The following PRKG2 variants were observed in gnomAD, a reference collection of about 807,000 sequenced individuals.
PRKG2 encodes cGMP-dependent protein kinase 2.
PRKG2 carries 33 observed loss-of-function variants against 97.2 expected under a neutral mutation model. That is an observed-to-expected ratio of 0.34 (90% confidence interval 0.26 to 0.45). The LOEUF (loss-of-function observed/expected upper bound fraction) is 0.45, where lower values mean the gene tolerates loss of function less well. Ranked by LOEUF, PRKG2 falls within the 20% of genes least tolerant of loss-of-function variation. PRKG2 has a pLI of 1.00. For missense variants in PRKG2, 638 were observed against 900.0 expected, an observed-to-expected ratio of 0.71 and a Z score of 3.73; for synonymous variants, 330 against 321.8, an observed-to-expected ratio of 1.03 and a Z score of -0.27.
intron 14 of PRKG2, among the ~76,000 whole-genome samples, chr4:81,112,008 C>G (rs1366914840): frequency 6.6e-6 from 1 of 152,026 alleles, no homozygotes; most frequent in Admixed American, 6.6e-5. Flanking sequence ...AAAATAAGCC[C>G]TCATCTAAAA....
chr4:81,209,168 T>G (rs1358970051), intron 1 of PRKG2, among the ~76,000 whole-genome samples: 1 of 152,212 alleles, frequency 6.6e-6, no homozygotes, highest in East Asian at 1.9e-4. Context: ...CAAGGGTAAT[T>G]AGAAGAGACA....
intron 14 of PRKG2, among the ~76,000 whole-genome samples, chr4:81,119,921 A>G (rs529051999): frequency 2.0e-5 from 3 of 152,206 alleles, no homozygotes; most frequent in South Asian, 4.2e-4. Context: ...TGATCCGCCC[A>G]CCTCAGCCTC....
Position 81,089,506 on chromosome 4 carries a change from C to T in PRKG2, c.*202G>A, listed in dbSNP as rs1482806979. Reference sequence around the variant, plus strand: ...GAGAAAAGCAAATAATGTAATACATCAATAATTCACAGCATCTAAATAAGA... The same window carrying T: ...GAGAAAAGCAAATAATGTAATACATTAATAATTCACAGCATCTAAATAAGA... On this transcript the variant is annotated 3_prime_UTR_variant, in exon 19 of 19. Transcript: ENST00000264399. 2 of 443,344 alleles carry T rather than the reference C, an allele frequency of 4.5e-6. No homozygotes were observed. The highest frequency in any genetic ancestry group is 7.9e-6 in the Non-Finnish European group (2 of 252,920). The allele number at this position is 443,344 out of a possible 1,614,324, so 27.5% of individuals were successfully genotyped here. A position where few individuals can be genotyped will look rare whatever the true frequency, so the allele number is the denominator to read the frequency against.
At position 81,089,363 on chromosome 4, in the gene PRKG2, G is replaced by A. The variant is rs1741324881; in HGVS notation, c.*345C>T. ...AGGGCAAGACCCTTTTTAAACGTTA[G>A]TAGTACTCAAACGAGAAGGATATGA... On this transcript the variant is annotated 3_prime_UTR_variant, in exon 19 of 19. Transcript: ENST00000264399. 1 of 175,284 alleles carries A rather than the reference G, an allele frequency of 5.7e-6. No homozygotes were observed. Among genetic ancestry groups the A allele is most frequent in the South Asian group, 1.9e-4 (1 of 5,354 alleles). The allele number at this position is 175,284 out of a possible 1,614,324, so 10.9% of individuals were successfully genotyped here.
At chr4:81,195,276 C>G (rs934975599) in intron 2 of PRKG2, among the ~76,000 whole-genome samples, 9 of 152,118 alleles carry the variant, frequency 5.9e-5, no homozygotes, top group Admixed American at 5.9e-4. Context: ...GTGAGAAAAT[C>G]CCTACTCTCC....
At chr4:81,209,281 T>C (rs568263209) in intron 1 of PRKG2, among the ~76,000 whole-genome samples, 3 of 152,324 alleles carry the variant, frequency 2.0e-5, no homozygotes, top group Admixed American at 2.0e-4. Flanking sequence ...CCTCCAGCCC[T>C]ATAGCAGTTT....
intron 8 of PRKG2, among the ~76,000 whole-genome samples, chr4:81,151,691 C>A (rs1748417930): frequency 2.0e-5 from 3 of 151,906 alleles, no homozygotes; most frequent in African/African-American, 7.2e-5. Context: ...CATTTTTAAC[C>A]TTTTCTCAGA....
At chr4:81,130,835 C>G (rs1379181305) in intron 14 of PRKG2, among the ~76,000 whole-genome samples, 2 of 152,168 alleles carry the variant, frequency 1.3e-5, no homozygotes, top group Non-Finnish European at 2.9e-5. Flanking sequence ...CCCCTCCCCC[C>G]ACCAAGCTCG....
At chr4:81,183,978 A>C (rs1272123244) in intron 2 of PRKG2, among the ~76,000 whole-genome samples, 1 of 152,170 alleles carries the variant, frequency 6.6e-6, no homozygotes, top group Non-Finnish European at 1.5e-5. Context: ...CTCTGAGAGA[A>C]AGGCAGCAGC....
intron 4 of PRKG2, among the ~76,000 whole-genome samples, chr4:81,170,976 G>GAACA (rs1326802522): frequency 6.6e-6 from 1 of 152,002 alleles, no homozygotes; most frequent in African/African-American, 2.4e-5. Flanking sequence ...GTTTTTGGCA[G>GAACA]AACAAACCTT....
At chr4:81,178,565 C>A (rs1437537609) in intron 2 of PRKG2, among the ~76,000 whole-genome samples, 1 of 151,714 alleles carries the variant, frequency 6.6e-6, no homozygotes, top group Non-Finnish European at 1.5e-5. Flanking sequence ...AACACAATAT[C>A]TGAAGCTTGA....
At chr4:81,122,446 G>GA (rs1045565853) in intron 14 of PRKG2, among the ~76,000 whole-genome samples, 44 of 152,128 alleles carry the variant, frequency 2.9e-4, no homozygotes, top group African/African-American at 9.9e-4. Context: ...ATTCATTTTG[G>GA]AAAAAATCAG....
At chr4:81,202,406 C>T (rs995123211) in intron 2 of PRKG2, among the ~76,000 whole-genome samples, 1 of 152,142 alleles carries the variant, frequency 6.6e-6, no homozygotes, top group Non-Finnish European at 1.5e-5. Flanking sequence ...AACTGAGGTA[C>T]AAACCAGTCA....
At chr4:81,201,292 T>G (rs184486584) in intron 2 of PRKG2, among the ~76,000 whole-genome samples, 272 of 152,362 alleles carry the variant, frequency 1.8e-3, no homozygotes, top group African/African-American at 6.1e-3. Flanking sequence ...GCATTTCAAG[T>G]GCTCAATAGC....
intron 6 of PRKG2, among the ~76,000 whole-genome samples, chr4:81,163,017 A>C (rs1475196133): frequency 6.6e-6 from 1 of 152,160 alleles, no homozygotes; most frequent in Non-Finnish European, 1.5e-5. Context: ...ATAACTTCAA[A>C]GGGGGAAAAG....
At chr4:81,193,566 G>A (rs1752738464) in intron 2 of PRKG2, among the ~76,000 whole-genome samples, 1 of 152,082 alleles carries the variant, frequency 6.6e-6, no homozygotes, top group Non-Finnish European at 1.5e-5. Context: ...CTGGCCAGGC[G>A]CGATGGCTCA....
In PRKG2 at chr4:81,094,082, A is replaced by G. The variant is rs180985941; in HGVS notation, c.2127-1630T>C. The stretch of plus-strand genomic sequence containing the variant: ...CTGCAAGGTGCAGTAAGTAAAGCAA[A>G]GTGCGATCAAATAAGGTATGCCTGT... On this transcript the variant is annotated intron_variant, in intron 17 of 18. Transcript: ENST00000264399. 2.0e-5 allele frequency among the ~76,000 whole-genome samples: 3 copies of G among 152,358 alleles called. No individual in the cohort carries two copies. The East Asian group carries it at 5.8e-4, about 29-fold the overall frequency.
chr4:81,138,319 CT>C (rs967629368), intron 12 of PRKG2, among the ~76,000 whole-genome samples: 2 of 152,026 alleles, frequency 1.3e-5, no homozygotes, highest in African/African-American at 4.8e-5. Context: ...AAGAGACCCC[CT>C]TTTCTCCCTA....
chr4:81,203,866 T>C (rs755021437), intron 2 of PRKG2, among the ~76,000 whole-genome samples: 1 of 152,208 alleles, frequency 6.6e-6, no homozygotes, highest in Non-Finnish European at 1.5e-5. Context: ...TTCATGCTCC[T>C]TGAAGTCTGT....
Sources: gnomAD v4.1 joint callset for allele counts (sites outside exome capture counted in the v4.1 genomes callset) on GRCh38, gnomAD v4.1.1 for gene constraint, MANE v1.5 for transcripts, NCBI Gene and HGNC (gene_info 2026-07-23, HGNC 2026-07-21) for gene names.